KCND2: variants seen among roughly 807,000 people sequenced by gnomAD.
The protein encoded by KCND2 is potassium voltage-gated channel subfamily D member 2.
A neutral mutation model predicts 54.4 loss-of-function variants in KCND2; 16 were observed. The observed-to-expected ratio is 0.29, with a 90% confidence interval of 0.20 to 0.45. The LOEUF (loss-of-function observed/expected upper bound fraction) is 0.45. Among genes scored for constraint, KCND2 ranks in the 20% least tolerant of loss-of-function variants. The probability of loss-of-function intolerance (pLI) is 1.00; values close to 1 mark genes in which losing one functional copy is unlikely to be tolerated. For missense variants in KCND2, 486 were observed against 824.2 expected (o/e 0.59, Z 5.02); for synonymous variants, 317 against 310.7 (o/e 1.02, Z -0.21).
At chr7:120,636,156 A>G (rs1274834686) in intron 1 of KCND2, among the ~76,000 whole-genome samples, 1 of 152,028 alleles carries the variant, frequency 6.6e-6, no homozygotes, top group Non-Finnish European at 1.5e-5. Flanking sequence ...TTCATTTATT[A>G]TAGTTAACAT....
chr7:120,614,210 G>A (rs767763193), intron 1 of KCND2, among the ~76,000 whole-genome samples: 5 of 152,180 alleles, frequency 3.3e-5, no homozygotes, highest in Admixed American at 6.5e-5. Context: ...ACAGGGTTTC[G>A]CCATGTTGGC....
At chr7:120,511,816 A>G (rs184746515) in intron 1 of KCND2, among the ~76,000 whole-genome samples, 186 of 152,278 alleles carry the variant, frequency 1.2e-3, no homozygotes, top group African/African-American at 4.2e-3. Flanking sequence ...TAGAAATATT[A>G]GGCTAATATA....
At chr7:120,481,871 G>T (rs1389876910) in intron 1 of KCND2, among the ~76,000 whole-genome samples, 1 of 152,204 alleles carries the variant, frequency 6.6e-6, no homozygotes, top group East Asian at 1.9e-4. Flanking sequence ...GATGTCACAG[G>T]TAGTATGGGG....
intron 1 of KCND2, among the ~76,000 whole-genome samples, chr7:120,370,546 A>G (rs1247062071): frequency 2.6e-5 from 4 of 152,040 alleles, no homozygotes; most frequent in Non-Finnish European, 5.9e-5. Context: ...AAATAATAAT[A>G]GTGATATTAA....
intron 1 of KCND2, among the ~76,000 whole-genome samples, chr7:120,377,876 C>G (rs1053572789): frequency 1.3e-5 from 2 of 151,892 alleles, no homozygotes; most frequent in African/African-American, 2.4e-5. Flanking sequence ...TCAGCAATGC[C>G]TTCTGTGACG....
intron 1 of KCND2, among the ~76,000 whole-genome samples, chr7:120,306,513 G>A (rs1269879003): frequency 6.6e-6 from 1 of 151,892 alleles, no homozygotes; most frequent in African/African-American, 2.4e-5. Context: ...AATGATTCTG[G>A]TCACACTGAT....
At chr7:120,294,206 G>A (rs1446524933) in intron 1 of KCND2, among the ~76,000 whole-genome samples, 1 of 151,888 alleles carries the variant, frequency 6.6e-6, no homozygotes, top group Non-Finnish European at 1.5e-5. Flanking sequence ...GTTTGAAGTT[G>A]TCCAAGCATC....
chr7:120,577,543 G>A (rs1047448362), intron 1 of KCND2, among the ~76,000 whole-genome samples: 4 of 151,816 alleles, frequency 2.6e-5, no homozygotes, highest in African/African-American at 9.7e-5. Context: ...GGACTCAAAC[G>A]ACAACAACAA....
At chr7:120,701,988 C>G (rs1310468136) in intron 1 of KCND2, among the ~76,000 whole-genome samples, 1 of 151,870 alleles carries the variant, frequency 6.6e-6, no homozygotes, top group African/African-American at 2.4e-5. Flanking sequence ...TTCTGTACAG[C>G]AAGAGAAACA....
At chr7:120,327,752 G>GC (rs1386153674) in intron 1 of KCND2, among the ~76,000 whole-genome samples, 1 of 150,284 alleles carries the variant, frequency 6.7e-6, no homozygotes, top group Non-Finnish European at 1.5e-5. Context: ...TGCAGAAGTT[G>GC]CCTTTTTTTT....
intron 1 of KCND2, among the ~76,000 whole-genome samples, chr7:120,534,780 A>G (rs926546937): frequency 6.6e-6 from 1 of 152,182 alleles, no homozygotes; most frequent in Non-Finnish European, 1.5e-5. Flanking sequence ...CAAATAAAAA[A>G]AAGGTTATTT....
chr7:120,411,451 A>G (rs1801447791), intron 1 of KCND2, among the ~76,000 whole-genome samples: 1 of 151,922 alleles, frequency 6.6e-6, no homozygotes, highest in African/African-American at 2.4e-5. Context: ...ACAAAAGTTT[A>G]AAAGAAGAAA....
chr7:120,438,568 A>T (rs1474104078), intron 1 of KCND2, among the ~76,000 whole-genome samples: 1 of 152,196 alleles, frequency 6.6e-6, no homozygotes, highest in Admixed American at 6.5e-5. Flanking sequence ...ACCTTCAGAA[A>T]ATAATTTGAT....
At chr7:120,576,562 A>C (rs897959746) in intron 1 of KCND2, among the ~76,000 whole-genome samples, 1 of 152,210 alleles carries the variant, frequency 6.6e-6, no homozygotes, top group African/African-American at 2.4e-5. Flanking sequence ...AACAAGTACA[A>C]ATTTAAACTT....
chr7:120,494,411 A>G (rs953243311), intron 1 of KCND2, among the ~76,000 whole-genome samples: 7 of 152,170 alleles, frequency 4.6e-5, no homozygotes, highest in African/African-American at 1.7e-4. Flanking sequence ...AGCAATCTTT[A>G]GATCACATTA....
intron 1 of KCND2, among the ~76,000 whole-genome samples, chr7:120,665,300 A>G (rs1489291487): frequency 2.0e-5 from 3 of 152,084 alleles, no homozygotes; most frequent in Non-Finnish European, 4.4e-5. Context: ...TTGTCTTTCT[A>G]TAGGTCTAAA....
rs560395782 is a variant in KCND2 at position 120,639,688 on chromosome 7, G to A, written c.1116-93215G>A. On this transcript the variant is annotated intron_variant, in intron 1 of 5. Coordinates refer to ENST00000331113, the MANE Select transcript of KCND2 (RefSeq NM_012281.3). ...AATATTGAGTAGCATATGAGAGTAA[G>A]GAATTTGTTTAATCTAACTTGCCCA... Among the ~76,000 whole-genome samples the A allele has an allele frequency of 3.3e-5, 5 of 152,274 alleles. 1 individual carries two copies. The South Asian group carries it at 1.0e-3, about 32-fold the overall frequency.
intron 2 of KCND2, 86 bp from the exon 3 acceptor site, chr7:120,741,448 G>C: frequency 1.1e-6 from 1 of 912,478 alleles, no homozygotes; most frequent in East Asian, 2.5e-5. Flanking sequence ...TATGTAGGCT[G>C]ACAATAGGAT....
intron 1 of KCND2, among the ~76,000 whole-genome samples, chr7:120,653,202 T>A (rs990748260): frequency 2.3e-5 from 2 of 87,990 alleles, no homozygotes; most frequent in African/African-American, 6.5e-5. Context: ...CCTGGCTACA[T>A]TTTTTTTTTT....
Sources: allele counts gnomAD v4.1 joint callset (sites outside exome capture counted in the v4.1 genomes callset), GRCh38; gene constraint gnomAD v4.1.1; transcripts MANE v1.5; gene names NCBI Gene and HGNC (gene_info 2026-07-23, HGNC 2026-07-21).